The following RGS6 variants were observed in gnomAD, a reference collection of about 807,000 sequenced individuals.
RGS6 encodes the protein regulator of G-protein signaling 6.
A neutral mutation model predicts 78.5 loss-of-function variants in RGS6; 30 were observed. The ratio of observed to expected loss-of-function variants is 0.38; its 90% CI spans 0.29 to 0.52. RGS6 has a LOEUF of 0.52. RGS6 is among the 20% of genes least tolerant of loss of function. The pLI, the probability that RGS6 is intolerant of heterozygous loss-of-function variation, is 0.85. For missense variants in RGS6, 495 were observed against 609.7 expected, an observed-to-expected ratio of 0.81 and a Z score of 1.98; for synonymous variants, 206 against 206.0, an observed-to-expected ratio of 1.00 and a Z score of 0.00.
the RGS6 span, among the ~76,000 whole-genome samples, chr14:72,591,582 AG>A: frequency 6.6e-6 from 1 of 152,176 alleles, no homozygotes; most frequent in Non-Finnish European, 1.5e-5. Flanking sequence ...AATGTAAATG[AG>A]GTTTACTGGT....
chr14:72,143,864 A>G (rs1261721756), intron 2 of RGS6, among the ~76,000 whole-genome samples: 1 of 152,250 alleles, frequency 6.6e-6, no homozygotes, highest in Non-Finnish European at 1.5e-5. Context: ...ATTTAATAAA[A>G]TATTTGTTTA....
At chr14:71,969,177 G>C (rs1205337122) in intron 2 of RGS6, among the ~76,000 whole-genome samples, 1 of 152,186 alleles carries the variant, frequency 6.6e-6, no homozygotes, top group Non-Finnish European at 1.5e-5. Context: ...TGGCTGCATA[G>C]TATTCCATGG....
the RGS6 span, among the ~76,000 whole-genome samples, chr14:71,911,567 G>A: frequency 6.6e-6 from 1 of 152,182 alleles, no homozygotes; most frequent in African/African-American, 2.4e-5. Context: ...TTCAGATGCA[G>A]GTCTTTGAGA....
chr14:72,579,120 CTCT>C, the RGS6 span, among the ~76,000 whole-genome samples: 15 of 152,338 alleles, frequency 9.8e-5, no homozygotes, highest in African/African-American at 2.9e-4. Context: ...CTCTCTCTCT[CTCT>C]TTTCTCCATG....
chr14:72,480,688 G>C (rs77689678), intron 12 of RGS6, among the ~76,000 whole-genome samples: 8,088 of 152,218 alleles, frequency 0.053, 670 homozygotes, highest in African/African-American at 0.18. Context: ...TGAAGATGGG[G>C]CCAGGGAGGA....
intron 12 of RGS6, among the ~76,000 whole-genome samples, chr14:72,489,629 T>G (rs953026098): frequency 6.6e-6 from 1 of 151,896 alleles, no homozygotes; most frequent in Non-Finnish European, 1.5e-5. Flanking sequence ...AAGAAAGCCA[T>G]GTGAAGACAA....
In RGS6 at chr14:72,248,249, A is replaced by C. The variant is rs536046041; in HGVS notation, c.85-103846A>C. Among the ~76,000 whole-genome samples, 18 of 152,288 alleles carry C rather than the reference A, an allele frequency of 1.2e-4. No homozygotes were observed. The South Asian group carries it at 1.2e-3, about 11-fold the overall frequency. On this transcript the variant is annotated intron_variant, in intron 2 of 17. Coordinates refer to ENST00000553525, the MANE Select transcript of RGS6 (RefSeq NM_001204424.2). ...CAGATACTATATGACATGTACTATC[A>C]TTATAGATTTAGCGTGGAAGCAGAT...
At chr14:72,460,504 G>C (rs892444250) in intron 6 of RGS6, among the ~76,000 whole-genome samples, 1 of 152,168 alleles carries the variant, frequency 6.6e-6, no homozygotes, top group East Asian at 1.9e-4. Flanking sequence ...TGACAGTTCT[G>C]GTTCTTTATT....
intron 2 of RGS6, among the ~76,000 whole-genome samples, chr14:72,057,346 T>C (rs543182085): frequency 7.1e-6 from 1 of 141,116 alleles, no homozygotes; most frequent in East Asian, 2.1e-4. Flanking sequence ...AAAAAGAATG[T>C]TTGCTTCTGT....
intron 12 of RGS6, among the ~76,000 whole-genome samples, chr14:72,484,652 C>G (rs1429625085): frequency 6.6e-6 from 1 of 152,148 alleles, no homozygotes; most frequent in African/African-American, 2.4e-5. Flanking sequence ...AGTGGTTGGA[C>G]TGTATGTTTA....
intron 2 of RGS6, among the ~76,000 whole-genome samples, chr14:72,321,880 C>T (rs1254325992): frequency 6.6e-6 from 1 of 151,924 alleles, no homozygotes; most frequent in African/African-American, 2.4e-5. Flanking sequence ...GTCCATAAAA[C>T]GTTTCCCAGA....
chr14:72,468,385 A>AG (rs1446865138), intron 7 of RGS6, among the ~76,000 whole-genome samples: 1 of 152,078 alleles, frequency 6.6e-6, no homozygotes, highest in African/African-American at 2.4e-5. Flanking sequence ...CAAAAAAAAA[A>AG]AAAAGAATAT....
intron 2 of RGS6, among the ~76,000 whole-genome samples, chr14:72,265,866 C>T (rs566056671): frequency 6.7e-6 from 1 of 148,834 alleles, no homozygotes; most frequent in Admixed American, 7.1e-5. Context: ...CTTCCTTTTT[C>T]TATACCTTTC....
chr14:72,582,916 G>T, the RGS6 span, among the ~76,000 whole-genome samples: 1 of 150,742 alleles, frequency 6.6e-6, no homozygotes, highest in Non-Finnish European at 1.5e-5. Flanking sequence ...GGTTCCTAAA[G>T]AGATTGGCAT....
chr14:72,173,342 G>C (rs1490373988), intron 2 of RGS6, among the ~76,000 whole-genome samples: 1 of 152,104 alleles, frequency 6.6e-6, no homozygotes, highest in Non-Finnish European at 1.5e-5. Context: ...CTCCCCAGGG[G>C]TTCAGTAGAC....
the RGS6 span, among the ~76,000 whole-genome samples, chr14:71,900,728 A>AT: frequency 6.6e-6 from 1 of 152,074 alleles, no homozygotes; most frequent in African/African-American, 2.4e-5. Flanking sequence ...CTGTTTTTTT[A>AT]TTGCTATAAA....
At chr14:71,972,245 A>G (rs1233603892) in intron 2 of RGS6, among the ~76,000 whole-genome samples, 2 of 152,056 alleles carry the variant, frequency 1.3e-5, no homozygotes, top group South Asian at 2.1e-4. Flanking sequence ...TTACACAAAG[A>G]TGTGAATACC....
chr14:72,038,805 A>G (rs1383737502), intron 2 of RGS6, among the ~76,000 whole-genome samples: 4 of 152,150 alleles, frequency 2.6e-5, no homozygotes. Context: ...GGAGGTTTGT[A>G]TGTATGCTAT....
chr14:71,899,171 T>C, the RGS6 span, among the ~76,000 whole-genome samples: 1 of 152,154 alleles, frequency 6.6e-6, no homozygotes, highest in East Asian at 1.9e-4. Context: ...ACAGGTTGAC[T>C]ATAGAAAAAA....
Sources: allele counts gnomAD v4.1 joint callset (sites outside exome capture counted in the v4.1 genomes callset), GRCh38; gene constraint gnomAD v4.1.1; transcripts MANE v1.5; gene names NCBI Gene and HGNC (gene_info 2026-07-23, HGNC 2026-07-21).